NR3C1: variants seen among roughly 807,000 people sequenced by gnomAD.
NR3C1 encodes the protein nuclear receptor subfamily 3 group C member 1, also known as glucocorticoid receptor.
In NR3C1, 14 loss-of-function variants were observed where a neutral mutation model predicts 74.0. The ratio of observed to expected loss-of-function variants is 0.19; its 90% CI spans 0.12 to 0.30. The LOEUF is 0.30. Ranked by LOEUF, NR3C1 falls within the 10% of genes least tolerant of loss-of-function variation. NR3C1 has a pLI of 1.00. For synonymous variants in NR3C1, 308 were observed against 332.5 expected, an observed-to-expected ratio of 0.93 and a Z score of 0.80; for missense variants, 695 against 909.8, an observed-to-expected ratio of 0.76 and a Z score of 3.04.
intron 3 of NR3C1, among the ~76,000 whole-genome samples, chr5:143,310,559 A>G (rs1317779589): frequency 6.6e-6 from 1 of 152,156 alleles, no homozygotes; most frequent in Non-Finnish European, 1.5e-5. Flanking sequence ...CAGTACCCCA[A>G]CAGGCCCCCT....
chr5:143,347,313 C>T (rs1048260532), intron 2 of NR3C1, among the ~76,000 whole-genome samples: 4 of 151,948 alleles, frequency 2.6e-5, no homozygotes, highest in African/African-American at 9.7e-5. Context: ...TTGGCATTTC[C>T]TCCTTCTATG....
intron 2 of NR3C1, among the ~76,000 whole-genome samples, chr5:143,334,154 G>C (rs534557742): frequency 2.0e-5 from 3 of 152,324 alleles, no homozygotes; most frequent in Admixed American, 6.5e-5. Context: ...GGCTGAGGCA[G>C]GCAGATCACC....
chr5:143,287,683 GA>G (rs1814805987), intron 7 of NR3C1, among the ~76,000 whole-genome samples: 1 of 152,062 alleles, frequency 6.6e-6, no homozygotes, highest in Admixed American at 6.6e-5. Context: ...AGCAAAGCCA[GA>G]AAAAGATATC....
At chr5:143,405,313 C>T, upstream of NR3C1, 1 of 985,590 alleles carries the variant, frequency 1.0e-6, no homozygotes, top group Non-Finnish European at 1.2e-6. Flanking sequence ...CTCGGGCGCT[C>T]GGCCACAGCC....
At chr5:143,317,583 C>A (rs955016705) in intron 2 of NR3C1, among the ~76,000 whole-genome samples, 3 of 151,966 alleles carry the variant, frequency 2.0e-5, no homozygotes, top group African/African-American at 7.3e-5. Flanking sequence ...TAGTAGAAAC[C>A]GAATAATTCC....
At chr5:143,429,735 G>A (rs1600690486) in intron 1 of NR3C1, among the ~76,000 whole-genome samples, 1 of 152,308 alleles carries the variant, frequency 6.6e-6, no homozygotes, top group Admixed American at 6.5e-5. Context: ...TTAACTAGTA[G>A]AAGAATGGTT....
At position 143,295,563 on chromosome 5, in the gene NR3C1, G is replaced by A. The variant is rs778758101; in HGVS notation, c.1920C>T (p.Tyr640=). 1.1e-5 allele frequency: 17 copies of A among 1,612,760 alleles called. No individual in the cohort carries two copies. The highest frequency in any genetic ancestry group is 3.3e-4 in the Middle Eastern group (2 of 6,072). ...CATACAGCATGTGTTTACATTGGTC[G>A]TACATGCAGGGTAGAGTCATTCTCT... ...NEQRMTLPCM[Y]DQCKHMLYVS... The change falls in exon 7 of 9, where the codon TAC becomes TAT. Residue 640 remains tyrosine, a synonymous_variant. Coordinates refer to ENST00000394464, the MANE Select transcript of NR3C1 (RefSeq NM_000176.3).
chr5:143,293,889 A>G, intron 7 of NR3C1: 5 of 979,422 alleles, frequency 5.1e-6, no homozygotes, highest in African/African-American at 1.8e-5. Context: ...TTAAACAAGT[A>G]AAGTTGTTAG....
chr5:143,373,461 G>A (rs185494057), intron 2 of NR3C1, among the ~76,000 whole-genome samples: 15 of 151,602 alleles, frequency 9.9e-5, no homozygotes, highest in Admixed American at 7.2e-4. Flanking sequence ...TACATTTATC[G>A]GGGGGTGGGG....
chr5:143,358,485 G>A (rs147200656), intron 2 of NR3C1, among the ~76,000 whole-genome samples: 4 of 152,284 alleles, frequency 2.6e-5, no homozygotes, highest in South Asian at 2.1e-4. Context: ...ATTATATTGT[G>A]TAAATATTAG....
chr5:143,422,134 C>T (rs1007052790), intron 1 of NR3C1, among the ~76,000 whole-genome samples: 1 of 152,164 alleles, frequency 6.6e-6, no homozygotes, highest in African/African-American at 2.4e-5. Context: ...TGACATCTCA[C>T]CAAGCTCTCC....
chr5:143,282,557 T>A lies in NR3C1; in HGVS notation c.2181+11A>T. ...AAAACTCTTATATTTGGCTTTATGT[T>A]TGACACTTACTTCATGCATAGAATC... On this transcript the variant is annotated intron_variant, in intron 8 of 8. Transcript: ENST00000394464. 1 of 1,613,642 alleles carries A rather than the reference T, an allele frequency of 6.2e-7. No homozygotes were observed. Among genetic ancestry groups the A allele is most frequent in the Non-Finnish European group, 8.5e-7 (1 of 1,179,712 alleles).
At chr5:143,392,623 GACTT>G (rs1838463843) in intron 2 of NR3C1, among the ~76,000 whole-genome samples, 1 of 151,814 alleles carries the variant, frequency 6.6e-6, no homozygotes, top group African/African-American at 2.4e-5. Context: ...ACAGAATTGA[GACTT>G]AATACAGTAA....
intron 2 of NR3C1, among the ~76,000 whole-genome samples, chr5:143,343,560 A>C (rs1828650845): frequency 6.6e-6 from 1 of 152,246 alleles, no homozygotes; most frequent in Non-Finnish European, 1.5e-5. Context: ...AATTATCTGC[A>C]CAATTTCATA....
chr5:143,429,335 C>CA (rs1266965926), intron 1 of NR3C1, among the ~76,000 whole-genome samples: 2 of 152,152 alleles, frequency 1.3e-5, no homozygotes, highest in Non-Finnish European at 2.9e-5. Flanking sequence ...ATTTTAACTA[C>CA]AAAATCTCAC....
chr5:143,400,875 G>C, intron 1 of NR3C1, 23 bp from the exon 2 acceptor site: 2 of 1,559,222 alleles, frequency 1.3e-6, no homozygotes. Flanking sequence ...AAACAAAAAC[G>C]GGGGGAAAAC....
chr5:143,384,505 A>T (rs1199643900), intron 2 of NR3C1, among the ~76,000 whole-genome samples: 4 of 152,226 alleles, frequency 2.6e-5, no homozygotes, highest in Non-Finnish European at 5.9e-5. Flanking sequence ...CCAAGAAAAA[A>T]TTGGGATACA....
chr5:143,409,246 A>G (rs972230012), intron 1 of NR3C1: 8 of 152,202 alleles, frequency 5.3e-5, no homozygotes, highest in African/African-American at 1.9e-4. Flanking sequence ...GATTCTGTTA[A>G]AGAAAGGACA....
At position 143,371,863 on chromosome 5, in the gene NR3C1, C is replaced by T. The variant is rs150169545; in HGVS notation, c.1184+27793G>A. ...CACATTTTTCTTCTTTCTCAAACAA[C>T]TGTTTACCTATACTCAAACTGCTGA... On this transcript the variant is annotated intron_variant, in intron 2 of 8. Transcript: ENST00000394464. Among the ~76,000 whole-genome samples the T allele has an allele frequency of 4.4e-3, 670 of 152,282 alleles. 2 individuals are homozygous for T. Among genetic ancestry groups the T allele is most frequent in the African/African-American group, 0.015 (638 of 41,558 alleles).
Sources: allele counts gnomAD v4.1 joint callset (sites outside exome capture counted in the v4.1 genomes callset), GRCh38; gene constraint gnomAD v4.1.1; transcripts MANE v1.5; gene names NCBI Gene and HGNC (gene_info 2026-07-23, HGNC 2026-07-21).